Variants in GSG1L observed in about 807,000 individuals in gnomAD.
GSG1L encodes GSG1 like.
In GSG1L, 24 loss-of-function variants were observed where a neutral mutation model predicts 42.1. The observed-to-expected ratio is 0.57, with a 90% CI of 0.41 to 0.80. The LOEUF (loss-of-function observed/expected upper bound fraction) is 0.80. GSG1L is among the 30% of genes least tolerant of loss of function. The pLI, the probability that GSG1L is intolerant of heterozygous loss-of-function variation, is 0.00. For synonymous variants in GSG1L, 215 were observed against 203.5 expected (o/e 1.06, Z -0.48); for missense variants, 445 against 472.2 (o/e 0.94, Z 0.53).
chr16:28,039,600 C>T (rs772320939), intron 1 of GSG1L, among the ~76,000 whole-genome samples: 2 of 139,876 alleles, frequency 1.4e-5, no homozygotes, highest in African/African-American at 2.6e-5. Flanking sequence ...CATACCCACA[C>T]TTGCACACAC....
intron 2 of GSG1L, among the ~76,000 whole-genome samples, chr16:27,893,149 G>T (rs1235316320): frequency 6.6e-6 from 1 of 152,178 alleles, no homozygotes; most frequent in Non-Finnish European, 1.5e-5. Flanking sequence ...GGGGCAGAAG[G>T]AATGAAATGA....
At chr16:28,007,491 GT>G (rs561128497) in intron 1 of GSG1L, among the ~76,000 whole-genome samples, 86 of 88,684 alleles carry the variant, frequency 9.7e-4, no homozygotes, top group African/African-American at 6.2e-3. Flanking sequence ...TGGTTGGTTG[GT>G]TGGTTGGTTG....
chr16:27,871,936 T>A (rs2083826920), intron 3 of GSG1L, among the ~76,000 whole-genome samples: 1 of 152,188 alleles, frequency 6.6e-6, no homozygotes, highest in Admixed American at 6.5e-5. Context: ...TTTGGGGTGA[T>A]GAAAATATTT....
chr16:27,841,535 G>A (rs1467744105), intron 4 of GSG1L, among the ~76,000 whole-genome samples: 4 of 152,172 alleles, frequency 2.6e-5, no homozygotes, highest in Non-Finnish European at 4.4e-5. Flanking sequence ...CTCCAGTACC[G>A]GGGGAGGGAG....
chr16:27,956,179 T>C (rs1268618398), intron 2 of GSG1L, among the ~76,000 whole-genome samples: 1 of 152,260 alleles, frequency 6.6e-6, no homozygotes, highest in Non-Finnish European at 1.5e-5. Flanking sequence ...TTAATAGTTA[T>C]ATATTTTTAA....
At chr16:28,052,917 G>A (rs979933005) in intron 1 of GSG1L, among the ~76,000 whole-genome samples, 2 of 152,238 alleles carry the variant, frequency 1.3e-5, no homozygotes, top group African/African-American at 4.8e-5. Flanking sequence ...GTGTTCTGGA[G>A]AGGGTTTTCC....
intron 2 of GSG1L, among the ~76,000 whole-genome samples, chr16:27,900,719 C>T (rs572605037): frequency 3.9e-4 from 59 of 152,168 alleles, no homozygotes; most frequent in Admixed American, 6.5e-4. Context: ...TCTGGTGAAG[C>T]CTCATGGACC....
chr16:28,047,794 G>A (rs1452257229), intron 1 of GSG1L, among the ~76,000 whole-genome samples: 2 of 152,116 alleles, frequency 1.3e-5, no homozygotes, highest in African/African-American at 4.8e-5. Context: ...GAACAACATA[G>A]ACTCAAACTT....
chr16:27,946,567 AAGAAAGAAAGAAAGAGAGAGAG>A, intron 2 of GSG1L, among the ~76,000 whole-genome samples: 1 of 9,866 alleles, frequency 1.0e-4, no homozygotes, highest in African/African-American at 2.3e-4. Flanking sequence ...GAAAGAAAGA[AAGAAAGAAAGAAAGAGAGAGAG>A]AGAGAGAGAG....
intron 5 of GSG1L, among the ~76,000 whole-genome samples, chr16:27,811,963 T>G (rs1191232350): frequency 2.0e-5 from 3 of 152,204 alleles, no homozygotes; most frequent in African/African-American, 7.2e-5. Context: ...TCCTGGTTTC[T>G]TCTCTGAAGT....
chr16:27,909,437 G>A (rs1195829009), intron 2 of GSG1L, among the ~76,000 whole-genome samples: 22 of 130,616 alleles, frequency 1.7e-4, no homozygotes, highest in Admixed American at 3.5e-4. Flanking sequence ...GAACTGCAGC[G>A]GTGTAGTGGT....
At chr16:27,905,881 CACCACCTTG>C (rs1312219207) in intron 2 of GSG1L, among the ~76,000 whole-genome samples, 1 of 152,096 alleles carries the variant, frequency 6.6e-6, no homozygotes, top group Non-Finnish European at 1.5e-5. Context: ...ACCCCTGCCT[CACCACCTTG>C]ACCAAAAGGA....
chr16:27,935,398 T>C (rs1042028256), intron 2 of GSG1L, among the ~76,000 whole-genome samples: 2 of 152,326 alleles, frequency 1.3e-5, no homozygotes, highest in Admixed American at 1.3e-4. Flanking sequence ...GTGTCTATGA[T>C]GCAGGGTCTG....
chr16:27,990,546 T>A (rs1567547127), intron 1 of GSG1L, among the ~76,000 whole-genome samples: 1 of 152,174 alleles, frequency 6.6e-6, no homozygotes, highest in Non-Finnish European at 1.5e-5. Context: ...ACTGGCCTAG[T>A]TCCTTGTCTT....
chr16:27,854,513 A>C (rs1258945185), intron 3 of GSG1L, among the ~76,000 whole-genome samples: 18 of 152,126 alleles, frequency 1.2e-4, no homozygotes, highest in Non-Finnish European at 1.5e-5. Context: ...TGAAGTTGGC[A>C]CTCACAAATG....
chr16:27,892,073 C>T (rs911079625), intron 2 of GSG1L, among the ~76,000 whole-genome samples: 9 of 151,848 alleles, frequency 5.9e-5, no homozygotes, highest in African/African-American at 1.9e-4. Flanking sequence ...GAGTAAAAAT[C>T]ATTCTGTTTG....
At chr16:27,913,273 G>C (rs1411518300) in intron 2 of GSG1L, among the ~76,000 whole-genome samples, 1 of 151,954 alleles carries the variant, frequency 6.6e-6, no homozygotes, top group African/African-American at 2.4e-5. Context: ...ATACTAACTT[G>C]TCGCGAAACT....
At chr16:28,036,551 G>A (rs1011784941) in intron 1 of GSG1L, among the ~76,000 whole-genome samples, 9 of 152,104 alleles carry the variant, frequency 5.9e-5, no homozygotes, top group African/African-American at 1.2e-4. Flanking sequence ...ACACTGCTTC[G>A]GCTGCCTCTC....
At chr16:27,985,787 C>A (rs1052971511) in intron 1 of GSG1L, among the ~76,000 whole-genome samples, 5 of 152,062 alleles carry the variant, frequency 3.3e-5, no homozygotes, top group Admixed American at 6.5e-5. Context: ...GAGCCAAGAT[C>A]GCACCATTGC....
Sources: allele counts gnomAD v4.1 joint callset (sites outside exome capture counted in the v4.1 genomes callset), GRCh38; gene constraint gnomAD v4.1.1; transcripts MANE v1.5; gene names NCBI Gene and HGNC (gene_info 2026-07-23, HGNC 2026-07-21).